Variants in LARGE1 observed in about 807,000 individuals in gnomAD.
The protein encoded by LARGE1 is LARGE xylosyl- and glucuronyltransferase 1.
In LARGE1, 43 loss-of-function variants were observed where a neutral mutation model predicts 87.6. The observed-to-expected ratio is 0.49, with a 90% CI of 0.38 to 0.63. The LOEUF is 0.63. Ranked by LOEUF, LARGE1 falls within the 30% of genes least tolerant of loss-of-function variation. The pLI is 0.00. For synonymous variants in LARGE1, 434 were observed against 394.6 expected, an observed-to-expected ratio of 1.10 and a Z score of -1.18; for missense variants, 802 against 1,000.2, an observed-to-expected ratio of 0.80 and a Z score of 2.67.
intron 6 of LARGE1, among the ~76,000 whole-genome samples, chr22:33,469,480 T>C (rs1219992817): frequency 1.3e-5 from 2 of 152,116 alleles, no homozygotes; most frequent in Non-Finnish European, 2.9e-5. Flanking sequence ...TGAGTTTACA[T>C]GAACACAAAG....
rs140256788 is a variant in LARGE1, at chr22:33,399,268, T to C, written c.893-14964A>G. ...TTTCTCTTCCTGTGTTAGTTGCTGA[T>C]AATATTGGCTTCCAGCTTCATCCAT... On this transcript the variant is annotated intron_variant, in intron 7 of 14. Transcript: ENST00000397394. Among the ~76,000 whole-genome samples, 25 of 152,262 alleles carry C rather than the reference T, an allele frequency of 1.6e-4. No individual in the cohort carries two copies. The East Asian group carries it at 1.7e-3, about 11-fold the overall frequency.
intron 11 of LARGE1, among the ~76,000 whole-genome samples, chr22:33,267,366 A>G (rs1314532718): frequency 6.6e-6 from 1 of 151,774 alleles, no homozygotes; most frequent in Non-Finnish European, 1.5e-5. Context: ...GCTTAAAGAT[A>G]GCTCTGAACA....
chr22:33,336,002 G>C (rs975239922), intron 10 of LARGE1, among the ~76,000 whole-genome samples: 3 of 152,188 alleles, frequency 2.0e-5, no homozygotes, highest in Non-Finnish European at 1.5e-5. Context: ...CGAATACTTA[G>C]TGTGCAGAAT....
At chr22:33,215,489 G>T (rs1057186065) in intron 11 of LARGE1, among the ~76,000 whole-genome samples, 11 of 152,110 alleles carry the variant, frequency 7.2e-5, no homozygotes, top group Middle Eastern at 3.2e-3. Flanking sequence ...TATTTATGTA[G>T]AGAGAGAATA....
chr22:33,889,948 A>G (rs1215725315), intron 1 of LARGE1, among the ~76,000 whole-genome samples: 1 of 152,192 alleles, frequency 6.6e-6, no homozygotes, highest in East Asian at 1.9e-4. Flanking sequence ...CACACAGGCA[A>G]ATGCAAACCA....
chr22:33,418,198 C>T (rs529563843), intron 7 of LARGE1, among the ~76,000 whole-genome samples: 41 of 152,276 alleles, frequency 2.7e-4, no homozygotes, highest in Non-Finnish European at 4.0e-4. Context: ...CCACCCGCCT[C>T]GGCCTCCCAA....
intron 2 of LARGE1, among the ~76,000 whole-genome samples, chr22:33,734,915 A>C (rs2083601313): frequency 6.6e-6 from 1 of 152,146 alleles, no homozygotes; most frequent in Non-Finnish European, 1.5e-5. Context: ...CATAATATCG[A>C]AGTTGGAAGG....
chr22:33,914,811 C>T (rs2065735737), intron 1 of LARGE1, among the ~76,000 whole-genome samples: 1 of 152,130 alleles, frequency 6.6e-6, no homozygotes, highest in African/African-American at 2.4e-5. Context: ...TAAATTCCTA[C>T]TTACAAGATC....
intron 7 of LARGE1, among the ~76,000 whole-genome samples, chr22:33,410,385 G>A (rs967440692): frequency 2.6e-5 from 4 of 151,988 alleles, no homozygotes; most frequent in Non-Finnish European, 4.4e-5. Context: ...ATCCCCACAT[G>A]CCTAGGGAGA....
Position 33,238,505 on chromosome 22 carries a change from G to C in LARGE1, c.1730+65724C>G, listed in dbSNP as rs1926361162. On this transcript the variant is annotated intron_variant, in intron 11 of 11. Transcript: ENST00000608642. Reference sequence around the variant, plus strand: ...TTTAAACAATCTCATGAGCAAACTTGAGCTAATGGACAAAATAGAGAAATT... The same window carrying C: ...TTTAAACAATCTCATGAGCAAACTTCAGCTAATGGACAAAATAGAGAAATT... Among the ~76,000 whole-genome samples the C allele has an allele frequency of 2.6e-5, 4 of 152,266 alleles. No homozygotes were observed. In the Middle Eastern group the frequency reaches 0.01, roughly 388 times the overall value.
chr22:33,370,877 AATT>A (rs1481573650), intron 9 of LARGE1, among the ~76,000 whole-genome samples: 13 of 149,486 alleles, frequency 8.7e-5, no homozygotes, highest in South Asian at 2.1e-4. Context: ...AATATTCAAT[AATT>A]ATTGAATATT....
chr22:33,851,544 T>G (rs2063582783), intron 1 of LARGE1, among the ~76,000 whole-genome samples: 1 of 152,222 alleles, frequency 6.6e-6, no homozygotes, highest in South Asian at 2.1e-4. Flanking sequence ...GGACAAAGTT[T>G]TATTCACCAA....
At chr22:33,718,061 T>C (rs1203507319) in intron 2 of LARGE1, among the ~76,000 whole-genome samples, 1 of 152,236 alleles carries the variant, frequency 6.6e-6, no homozygotes, top group Non-Finnish European at 1.5e-5. Flanking sequence ...AATATTGCAG[T>C]AGAGACAACC....
chr22:33,763,762 A>G (rs561745183), intron 1 of LARGE1, among the ~76,000 whole-genome samples: 15 of 151,470 alleles, frequency 9.9e-5, no homozygotes, highest in Non-Finnish European at 1.8e-4. Flanking sequence ...TGAAGTGCTT[A>G]CCAAAGATAT....
intron 5 of LARGE1, among the ~76,000 whole-genome samples, chr22:33,569,631 C>G (rs1044147842): frequency 3.9e-5 from 6 of 152,178 alleles, no homozygotes; most frequent in African/African-American, 9.6e-5. Context: ...GGCATGATAT[C>G]TAGCACTCTT....
At chr22:33,802,977 T>A (rs775017757) in intron 1 of LARGE1, among the ~76,000 whole-genome samples, 1 of 152,084 alleles carries the variant, frequency 6.6e-6, no homozygotes, top group Non-Finnish European at 1.5e-5. Context: ...GGTGAGTGGG[T>A]AGACAGACAA....
At chr22:33,844,541 G>A (rs1449428801) in intron 1 of LARGE1, among the ~76,000 whole-genome samples, 1 of 152,050 alleles carries the variant, frequency 6.6e-6, no homozygotes, top group East Asian at 1.9e-4. Flanking sequence ...ATCTTCCTTG[G>A]GGCCCCTGTG....
intron 7 of LARGE1, among the ~76,000 whole-genome samples, chr22:33,420,434 G>A (rs2066650434): frequency 6.6e-6 from 1 of 152,164 alleles, no homozygotes; most frequent in Admixed American, 6.5e-5. Flanking sequence ...TTGGTCAGAT[G>A]GTACTTAAAA....
At chr22:33,575,361 AG>A (rs2078323941) in intron 5 of LARGE1, among the ~76,000 whole-genome samples, 5 of 152,172 alleles carry the variant, frequency 3.3e-5, no homozygotes, top group Non-Finnish European at 7.3e-5. Context: ...TGTTGATGTA[AG>A]ATCAGGAGTT....
Sources: allele counts gnomAD v4.1 joint callset (sites outside exome capture counted in the v4.1 genomes callset), GRCh38; gene constraint gnomAD v4.1.1; transcripts MANE v1.5; gene names NCBI Gene and HGNC (gene_info 2026-07-23, HGNC 2026-07-21).